RBM20: variants seen among roughly 807,000 people sequenced by gnomAD.
RBM20 encodes the protein RNA-binding protein 20.
A neutral mutation model predicts 110.1 loss-of-function variants in RBM20; 51 were observed. The observed-to-expected ratio is 0.46, with a 90% CI of 0.37 to 0.59. RBM20 has a LOEUF of 0.59. Among genes scored for constraint, RBM20 ranks in the 20% least tolerant of loss-of-function variants. The pLI is 0.00. For synonymous variants in RBM20, 589 were observed against 618.2 expected (o/e 0.95, Z 0.70); for missense variants, 1,512 against 1,574.9 (o/e 0.96, Z 0.68).
chr10:110,764,574 C>T (rs946472992), intron 1 of RBM20, among the ~76,000 whole-genome samples: 4 of 152,236 alleles, frequency 2.6e-5, no homozygotes, highest in Admixed American at 6.5e-5. Flanking sequence ...CCCTTCCAGG[C>T]GGGTATGCCG....
At chr10:110,775,266 GA>G (rs2135030717) in intron 1 of RBM20, among the ~76,000 whole-genome samples, 1 of 152,288 alleles carries the variant, frequency 6.6e-6, no homozygotes, top group Admixed American at 6.5e-5. Context: ...CACAAAAGAA[GA>G]AATGGCGCAT....
chr10:110,790,824 C>T (rs1013827080), intron 5 of RBM20, among the ~76,000 whole-genome samples: 4 of 151,892 alleles, frequency 2.6e-5, no homozygotes, highest in Non-Finnish European at 1.5e-5. Flanking sequence ...TTCAGTGACA[C>T]CTGAGTTTTA....
chr10:110,778,591 G>A (rs188896631), intron 1 of RBM20, among the ~76,000 whole-genome samples: 1 of 152,350 alleles, frequency 6.6e-6, no homozygotes, highest in African/African-American at 2.4e-5. Flanking sequence ...GCCTAAGCAT[G>A]CTTATTGTAC....
chr10:110,812,768 CG>C lies in RBM20; in HGVS notation c.2374del (p.Glu792LysfsTer118). On this transcript the variant is annotated frameshift_variant, in exon 9 of 14. Coordinates refer to ENST00000369519, the MANE Select transcript of RBM20 (RefSeq NM_001134363.3). LOFTEE classifies it high-confidence loss of function. ...RSRRKDEARLRESRHPHPDDS... is the reference protein window; with the variant it reads ...RSRRKDEARLXESRHPHPDDS... ...CAGGAGGAAAGACGAGGCCAGGCTG[CG>C]GGAAAGCAGACACCCCCATCCGGAT... 5 of 1,551,632 alleles carry C rather than the reference CG, an allele frequency of 3.2e-6. No individual in the cohort carries two copies. Among genetic ancestry groups the C allele is most frequent in the Non-Finnish European group, 4.4e-6 (5 of 1,146,972 alleles).
At chr10:110,693,955 C>A (rs887532339) in intron 1 of RBM20, among the ~76,000 whole-genome samples, 8 of 152,100 alleles carry the variant, frequency 5.3e-5, no homozygotes, top group Non-Finnish European at 1.2e-4. Flanking sequence ...GCAGAATGAA[C>A]CAGTGTTATA....
rs1180773117 is a variant in RBM20, at chr10:110,797,655, C to G, written c.1668+7C>G. On this transcript the variant is annotated splice_region_variant and intron_variant, in intron 6 of 13. Coordinates refer to ENST00000369519, the MANE Select transcript of RBM20 (RefSeq NM_001134363.3). ...CATGAAGTCGACTAATCAGGTAGGT[C>G]TGGGTACTTTCACTCCAGTGTATAT... The G allele has an allele frequency of 6.4e-7, 1 of 1,551,528 alleles. No homozygotes were observed. The highest frequency in any genetic ancestry group is 8.7e-7 in the Non-Finnish European group (1 of 1,146,886).
At chr10:110,794,085 C>A (rs1844518385) in intron 5 of RBM20, among the ~76,000 whole-genome samples, 1 of 152,168 alleles carries the variant, frequency 6.6e-6, no homozygotes, top group South Asian at 2.1e-4. Flanking sequence ...CCGCCTGTTT[C>A]CCTTCTCACT....
At chr10:110,756,298 A>G (rs1234469023) in intron 1 of RBM20, among the ~76,000 whole-genome samples, 1 of 152,228 alleles carries the variant, frequency 6.6e-6, no homozygotes, top group Non-Finnish European at 1.5e-5. Context: ...TCATTTACAG[A>G]TTCAGAAAAC....
intron 1 of RBM20, among the ~76,000 whole-genome samples, chr10:110,695,188 T>C (rs1196740635): frequency 6.6e-6 from 1 of 152,196 alleles, no homozygotes; most frequent in East Asian, 1.9e-4. Context: ...CAAAGACCCC[T>C]GCAGTTTAAC....
chr10:110,767,257 A>T (rs1326412887), intron 1 of RBM20, among the ~76,000 whole-genome samples: 3 of 118,766 alleles, frequency 2.5e-5, no homozygotes, highest in Admixed American at 8.0e-5. Flanking sequence ...CTGGCCGGGC[A>T]GAGGGGCTCC....
At chr10:110,744,009 C>A (rs917877013) in intron 1 of RBM20, among the ~76,000 whole-genome samples, 6 of 152,076 alleles carry the variant, frequency 3.9e-5, no homozygotes, top group African/African-American at 1.2e-4. Flanking sequence ...GGCTCCAGTC[C>A]CCTTTTCTTT....
At chr10:110,708,571 G>T (rs1862876537) in intron 1 of RBM20, among the ~76,000 whole-genome samples, 1 of 152,116 alleles carries the variant, frequency 6.6e-6, no homozygotes, top group African/African-American at 2.4e-5. Flanking sequence ...GATAAAAACA[G>T]GTGAAATAAA....
intron 1 of RBM20, among the ~76,000 whole-genome samples, chr10:110,715,807 A>T (rs898498889): frequency 6.6e-6 from 1 of 152,082 alleles, no homozygotes. Flanking sequence ...TGCAATTACA[A>T]TTACAGTACT....
chr10:110,787,165 G>A (rs1474028950), intron 5 of RBM20, among the ~76,000 whole-genome samples: 2 of 152,228 alleles, frequency 1.3e-5, no homozygotes, highest in African/African-American at 4.8e-5. Flanking sequence ...GGAAGATAAA[G>A]TAAACAACTG....
In RBM20 at chr10:110,784,223, T is replaced by C. The variant is rs796100806; in HGVS notation, c.1338-118T>C. The C allele has an allele frequency of 1.4e-5, 10 of 709,850 alleles. No homozygotes were observed. In the African/African-American group the frequency reaches 1.8e-4, roughly 12 times the overall value. 44.0% of individuals were successfully genotyped at this position (709,850 alleles called of 1,614,324 possible). A position where few individuals can be genotyped will look rare whatever the true frequency, so the allele number is the denominator to read the frequency against. ...AGGAAGGTTTGGGGACAGTTTTTGT[T>C]TGAACACCTGTTTTCAACTATTTGG... is the stretch of plus-strand genomic sequence containing the variant. On this transcript the variant is annotated intron_variant, in intron 3 of 13. Transcript: ENST00000369519.
At position 110,684,961 on chromosome 10, in the gene RBM20, C is replaced by A. The variant is rs1001262349; in HGVS notation, c.191+40316C>A. ...TGCTGGTGAAACAGCTGGATGATTG[C>A]GGTGGATCCTAACATCTTGAGAAGT... On this transcript the variant is annotated intron_variant, in intron 1 of 13. Transcript: ENST00000369519. Among the ~76,000 whole-genome samples the A allele has an allele frequency of 3.3e-5, 5 of 152,174 alleles. No homozygotes were observed. In the South Asian group the frequency reaches 6.2e-4, roughly 19 times the overall value.
At chr10:110,706,961 C>T (rs948972938) in intron 1 of RBM20, among the ~76,000 whole-genome samples, 2 of 152,136 alleles carry the variant, frequency 1.3e-5, no homozygotes, top group African/African-American at 4.8e-5. Context: ...TGACATAGCT[C>T]ATGTTGAACG....
At chr10:110,703,477 T>C (rs1862790162) in intron 1 of RBM20, among the ~76,000 whole-genome samples, 1 of 152,240 alleles carries the variant, frequency 6.6e-6, no homozygotes, top group Non-Finnish European at 1.5e-5. Flanking sequence ...ATGTACCATT[T>C]ATCCAGTTCC....
chr10:110,675,937 G>A (rs754226790), intron 1 of RBM20, among the ~76,000 whole-genome samples: 1 of 152,226 alleles, frequency 6.6e-6, no homozygotes, highest in Non-Finnish European at 1.5e-5. Context: ...ATATTTCACA[G>A]ATATATGTAG....
Sources: allele counts gnomAD v4.1 joint callset (sites outside exome capture counted in the v4.1 genomes callset), GRCh38; gene constraint gnomAD v4.1.1; transcripts MANE v1.5; gene names NCBI Gene and HGNC (gene_info 2026-07-23, HGNC 2026-07-21).